The following TSSK4 variants were observed in gnomAD, a reference collection of about 807,000 sequenced individuals.
TSSK4 encodes the protein testis specific serine kinase 4.
A neutral mutation model predicts 28.5 loss-of-function variants in TSSK4; 22 were observed. The ratio of observed to expected loss-of-function variants is 0.77; its 90% confidence interval spans 0.55 to 1.10. The LOEUF (loss-of-function observed/expected upper bound fraction) is 1.10. Among genes scored for constraint, TSSK4 ranks in the 50% least tolerant of loss-of-function variants. The pLI, the probability that TSSK4 is intolerant of heterozygous loss-of-function variation, is 0.00. For synonymous variants in TSSK4, 151 were observed against 158.3 expected (o/e 0.95, Z 0.35); for missense variants, 329 against 415.4 (o/e 0.79, Z 1.81).
In TSSK4 at chr14:24,206,665, T is replaced by C; in HGVS notation, c.382T>C (p.Trp128Arg). The change falls in exon 2 of 4, where the codon TGG becomes CGG. Residue 128 changes from tryptophan to arginine, a missense_variant. By Grantham distance (101) the Trp-to-Arg change is moderately radical (BLOSUM62 -3). Coordinates refer to ENST00000339917, the MANE Select transcript of TSSK4 (RefSeq NM_001184739.2). Reference protein sequence around the residue: ...GACSEPLAGKWFSQLTLGIAY... With the variant: ...GACSEPLAGKRFSQLTLGIAY... ...CTGCTCTGAGCCCCTTGCTGGCAAGTGGTTCTCCCAGCTGACCCTGGGCAT... is the reference window on the plus strand; with the variant it reads ...CTGCTCTGAGCCCCTTGCTGGCAAGCGGTTCTCCCAGCTGACCCTGGGCAT... 6.2e-7 allele frequency: 1 copy of C among 1,614,186 alleles called. No individual in the cohort carries two copies.
rs752772563 is a variant in TSSK4 at position 24,207,375 on chromosome 14, A to G, written c.700A>G (p.Ser234Gly). 1.2e-6 allele frequency: 2 copies of G among 1,613,970 alleles called. No individual in the cohort carries two copies. Among genetic ancestry groups the G allele is most frequent in the African/African-American group, 2.7e-5 (2 of 74,868 alleles). The change falls in exon 3 of 4, where the codon AGC (serine) becomes GGC (glycine). Residue 234 changes from serine (S) to glycine (G), a missense_variant. By Grantham distance (56) the Ser-to-Gly change is moderately conservative. Coordinates refer to ENST00000339917, the MANE Select transcript of TSSK4 (RefSeq NM_001184739.2). ...PYNPFLSDTW[S>G]MGVILYTLVV... ...CAACCCTTTCCTGTCTGACACCTGG[A>G]GCATGGGCGTCATCCTTTACACTCT...
Position 24,208,067 on chromosome 14 carries a change from A to C in TSSK4, c.938A>C (p.His313Pro). The change falls in exon 4 of 4, where the codon CAT becomes CCT. Residue 313 changes from histidine to proline, a missense_variant. Physicochemically the swap from His to Pro is moderately conservative, Grantham distance 77. Around this residue, in one of 3 missense-constraint regions of TSSK4, gnomAD observed 139 missense variants for 178.1 expected, o/e 0.78. Transcript: ENST00000339917. ...AAGTTCCAGCCTGAGCAACCCACCC[A>C]TGAGATCAGGCTGCTTGAGGCCATG... Reference protein sequence around the residue: ...VLKFQPEQPTHEIRLLEAMCQ... With the variant: ...VLKFQPEQPTPEIRLLEAMCQ... The C allele has an allele frequency of 1.2e-6, 2 of 1,614,172 alleles. No individual in the cohort carries two copies. Among genetic ancestry groups the C allele is most frequent in the Non-Finnish European group, 1.7e-6 (2 of 1,180,018 alleles).
At chr14:24,207,064 C>G in intron 2 of TSSK4, 52 bp from the exon 3 acceptor site, 1 of 1,598,476 alleles carries the variant, frequency 6.3e-7, no homozygotes, top group Non-Finnish European at 8.5e-7. Flanking sequence ...CATCTTTACC[C>G]TCTGACCCCT....
At chr14:24,206,299 TAAACCTCTTTCCCATCCACCCACTCA>T in intron 1 of TSSK4, 151 bp downstream of exon 1, 3 of 893,548 alleles carry the variant, frequency 3.4e-6, no homozygotes, top group Non-Finnish European at 5.1e-6. Flanking sequence ...TTATGTAAGT[TAAACCTCTTTCCCATCCACCCACTCA>T]CCTTCAGTCC....
At position 24,208,162 on chromosome 14, in the gene TSSK4, G is replaced by A; in HGVS notation, c.*16G>A. The A allele has an allele frequency of 6.3e-7, 1 of 1,581,820 alleles. No homozygotes were observed. The highest frequency in any genetic ancestry group is 1.1e-5 in the South Asian group (1 of 88,188). The stretch of plus-strand genomic sequence containing the variant: ...TACGACCTGAAAATGGCTGAGGGAG[G>A]GGGCTAAGAGAGGAGCAAAGCAGGA... On this transcript the variant is annotated 3_prime_UTR_variant, in exon 4 of 4. Coordinates refer to ENST00000339917, the MANE Select transcript of TSSK4 (RefSeq NM_001184739.2).
At chr14:24,206,775 G>A in intron 2 of TSSK4, 52 bp downstream of exon 2, 1 of 1,586,780 alleles carries the variant, frequency 6.3e-7, no homozygotes, top group Non-Finnish European at 8.6e-7. Flanking sequence ...GGGGTTTTAT[G>A]CACATCTCCC....
intron 3 of TSSK4, among the ~76,000 whole-genome samples, 169 bp downstream of exon 3, chr14:24,207,678 C>T (rs1296789253): frequency 6.6e-6 from 1 of 152,194 alleles, no homozygotes; most frequent in Non-Finnish European, 1.5e-5. Context: ...GTATGGAAGG[C>T]ATAAAGGGCC....
rs1452678308 is a variant in TSSK4, at chr14:24,207,350, C to T, written c.675C>T (p.Tyr225=). The T allele has an allele frequency of 6.2e-7, 1 of 1,614,210 alleles. No homozygotes were observed. Among genetic ancestry groups the T allele is most frequent in the Non-Finnish European group, 8.5e-7 (1 of 1,180,042 alleles). Residue 225 remains tyrosine (Y), a synonymous_variant, in exon 3 of 4, where the codon TAC becomes TAT. Coordinates refer to ENST00000339917, the MANE Select transcript of TSSK4 (RefSeq NM_001184739.2). ...ACPEILRGLP[Y]NPFLSDTWSM... ...CAGAGATCTTACGAGGCTTGCCCTA[C>T]AACCCTTTCCTGTCTGACACCTGGA...
chr14:24,207,759 A>G (rs149536161), intron 3 of TSSK4: 3 of 1,082,598 alleles, frequency 2.8e-6, no homozygotes, highest in African/African-American at 3.1e-5. Flanking sequence ...GAAGGGAAAT[A>G]TGGAAAGCAT....
rs56356156 is a variant in TSSK4 at position 24,208,140 on chromosome 14, G to A, written c.1011G>A (p.Thr337=). ...TTKQHQSLQI[T]T ...AACAGCACCAATCCTTGCAAATTAC[G>A]ACCTGAAAATGGCTGAGGGAGGGGG... Residue 337 remains threonine (T), a synonymous_variant, in exon 4 of 4, where the codon ACG becomes ACA. Coordinates refer to ENST00000339917, the MANE Select transcript of TSSK4 (RefSeq NM_001184739.2). 2.6e-5 allele frequency: 41 copies of A among 1,580,260 alleles called. No individual in the cohort carries two copies. Among genetic ancestry groups the A allele is most frequent in the South Asian group, 2.2e-5 (2 of 90,578 alleles).
chr14:24,206,932 G>C (rs921050643), intron 2 of TSSK4, 184 bp from the exon 3 acceptor site: 2 of 995,104 alleles, frequency 2.0e-6, no homozygotes, highest in African/African-American at 3.2e-5. Flanking sequence ...AGCTCCCGGT[G>C]GTCCTCAGAT....
intron 3 of TSSK4, 124 bp downstream of exon 3, chr14:24,207,633 C>T (rs1309158420): frequency 1.0e-5 from 12 of 1,149,994 alleles, no homozygotes; most frequent in Non-Finnish European, 1.5e-5. Flanking sequence ...ACACCAGAGC[C>T]ATCTCACACA....
At chr14:24,207,034 C>A in intron 2 of TSSK4, 82 bp from the exon 3 acceptor site, 1 of 1,569,816 alleles carries the variant, frequency 6.4e-7, no homozygotes, top group Non-Finnish European at 8.7e-7. Context: ...ATGGTTTCTA[C>A]CTCCCACTTC....
chr14:24,206,522 T>G lies in TSSK4; in HGVS notation c.239T>G (p.Leu80Trp). Residue 80 changes from leucine to tryptophan, a missense_variant, in exon 2 of 4, where the codon TTG becomes TGG. By Grantham distance (61) the Leu-to-Trp change is moderately conservative. Transcript: ENST00000339917. Reference sequence around the variant, plus strand: ...TTCTGGGGTCAGGTAATGAAAGTCTTGCGGCACAAGTACCTCATCAACTTC... The same window carrying G: ...TTCTGGGGTCAGGTAATGAAAGTCTGGCGGCACAAGTACCTCATCAACTTC... ...LPREIQVMKV[L>W]RHKYLINFYR... The G allele has an allele frequency of 1.9e-6, 3 of 1,614,174 alleles. No homozygotes were observed. The highest frequency in any genetic ancestry group is 2.5e-6 in the Non-Finnish European group (3 of 1,180,022).
intron 3 of TSSK4, 170 bp from the exon 4 acceptor site, chr14:24,207,794 C>A: frequency 7.7e-7 from 1 of 1,306,580 alleles, no homozygotes; most frequent in Non-Finnish European, 1.1e-6. Context: ...TCTTCCCTTC[C>A]CCTCCAGGGA....
At chr14:24,206,819 T>G in intron 2 of TSSK4, 96 bp downstream of exon 2, 1 of 1,306,856 alleles carries the variant, frequency 7.7e-7, no homozygotes, top group Non-Finnish European at 1.1e-6. Flanking sequence ...TCGAACTCCC[T>G]CCTCAATATC....
Position 24,205,843 on chromosome 14 carries a change from C to A in TSSK4, c.-81C>A. On this transcript the variant is annotated 5_prime_UTR_variant, in exon 1 of 4. Coordinates refer to ENST00000339917, the MANE Select transcript of TSSK4 (RefSeq NM_001184739.2). ...GACCTACTTCACTTTGATACCCTAGCCTTCAGCAGCTCAAGGTGTTGGCCT... is the reference window on the plus strand; with the variant it reads ...GACCTACTTCACTTTGATACCCTAGACTTCAGCAGCTCAAGGTGTTGGCCT... 2 of 1,088,534 alleles carry A rather than the reference C, an allele frequency of 1.8e-6. No individual in the cohort carries two copies. Among genetic ancestry groups the A allele is most frequent in the South Asian group, 1.3e-5 (1 of 77,708 alleles). The allele number at this position is 1,088,534 out of a possible 1,614,324, so 67.4% of individuals were successfully genotyped here.
Position 24,206,626 on chromosome 14 carries a change from C to A in TSSK4, c.343C>A (p.Gln115Lys). The change falls in exon 2 of 4, where the codon CAG becomes AAG. Residue 115 changes from glutamine to lysine, a missense_variant. Physicochemically the swap from Gln to Lys is moderately conservative, Grantham distance 53. Transcript: ENST00000339917. ...GGGTGGTGATGTCCTTGAATGGATC[C>A]AGCGCTACGGGGCCTGCTCTGAGCC... ...AQGGDVLEWI[Q>K]RYGACSEPLA... The A allele has an allele frequency of 1.2e-6, 2 of 1,614,202 alleles. No individual in the cohort carries two copies. Among genetic ancestry groups the A allele is most frequent in the Non-Finnish European group, 1.7e-6 (2 of 1,180,042 alleles).
In TSSK4 at chr14:24,206,041, T is replaced by C. The variant is rs752531838; in HGVS notation, c.118T>C (p.Tyr40His). 5.0e-6 allele frequency: 8 copies of C among 1,614,230 alleles called. No individual in the cohort carries two copies. In the Admixed American group the frequency reaches 1.3e-4, roughly 27 times the overall value. The change falls in exon 1 of 4, where the codon TAT becomes CAT. Residue 40 changes from tyrosine (Y) to histidine (H), a missense_variant. Physicochemically the swap from Tyr to His is moderately conservative, Grantham distance 83. Transcript: ENST00000339917. ...TGGCCATGGCTCCTATGGGTCGGTA[T>C]ATGAGGCTTTCTACACAAAGCAGAA... ...AIGHGSYGSVYEAFYTKQKVM... is the reference protein window; with the variant it reads ...AIGHGSYGSVHEAFYTKQKVM...
Sources: allele counts gnomAD v4.1 joint callset (sites outside exome capture counted in the v4.1 genomes callset), GRCh38; gene constraint gnomAD v4.1.1; regional missense constraint gnomAD v4.1.1; transcripts MANE v1.5; gene names NCBI Gene and HGNC (gene_info 2026-07-23, HGNC 2026-07-21).